CFAP91: variants seen among roughly 807,000 people sequenced by gnomAD.
CFAP91 encodes the protein cilia and flagella associated protein 91.
In CFAP91, 85 loss-of-function variants were observed where a neutral mutation model predicts 95.9. The ratio of observed to expected loss-of-function variants is 0.89; its 90% confidence interval spans 0.74 to 1.06. The LOEUF is 1.06. Among genes scored for constraint, CFAP91 ranks in the 50% least tolerant of loss-of-function variants. The pLI is 0.00. For missense variants in CFAP91, 962 were observed against 943.4 expected, an observed-to-expected ratio of 1.02 and a Z score of -0.26; for synonymous variants, 335 against 327.5, an observed-to-expected ratio of 1.02 and a Z score of -0.25.
At chr3:119,726,138 C>G (rs1186271290) in intron 6 of CFAP91, 33 bp from the exon 7 acceptor site, 1 of 1,565,420 alleles carries the variant, frequency 6.4e-7, no homozygotes, top group African/African-American at 1.4e-5. Flanking sequence ...GGTCAGCTCA[C>G]TTGTTCCTAA....
chr3:119,733,273 G>C (rs1214719999), intron 9 of CFAP91, 91 bp from the exon 10 acceptor site: 1 of 1,362,464 alleles, frequency 7.3e-7, no homozygotes, highest in Non-Finnish European at 1.0e-6. Flanking sequence ...TAATGAAACT[G>C]CTTGGCAAAC....
chr3:119,738,330 G>GTTTTTTTTTTTTTTTTTTTTTT (rs1559761130), intron 11 of CFAP91, among the ~76,000 whole-genome samples: 5 of 23,730 alleles, frequency 2.1e-4, no homozygotes, highest in Admixed American at 6.4e-4. Flanking sequence ...TTGACATATT[G>GTTTTTTTTTTTTTTTTTTTTTT]TCTTTTTTTT....
At chr3:119,760,310 A>G (rs2054513988) in intron 17 of CFAP91, among the ~76,000 whole-genome samples, 1 of 151,880 alleles carries the variant, frequency 6.6e-6, no homozygotes, top group African/African-American at 2.4e-5. Context: ...TGTGGTGATA[A>G]AGGGGTCGAT....
chr3:119,723,017 C>T lies in CFAP91; in HGVS notation c.683-3154C>T, dbSNP rs566988392. 2.0e-5 allele frequency among the ~76,000 whole-genome samples: 3 copies of T among 152,300 alleles called. No individual in the cohort carries two copies. The East Asian group carries it at 5.8e-4, about 29-fold the overall frequency. On this transcript the variant is annotated intron_variant, in intron 6 of 17. Transcript: ENST00000273390. ...CCTTCGAGTAGTTCTAATCCAGATTCCCACTCTCAATATAACTATGCCTGG... is the reference window on the plus strand; with the variant it reads ...CCTTCGAGTAGTTCTAATCCAGATTTCCACTCTCAATATAACTATGCCTGG...
At chr3:119,755,409 A>G (rs1354465543) in intron 17 of CFAP91, among the ~76,000 whole-genome samples, 3 of 151,974 alleles carry the variant, frequency 2.0e-5, no homozygotes, top group Admixed American at 1.3e-4. Context: ...TGAGGGAAGA[A>G]CCCTCATGAT....
chr3:119,745,783 T>C (rs372653319), intron 14 of CFAP91, among the ~76,000 whole-genome samples: 2 of 152,240 alleles, frequency 1.3e-5, no homozygotes, highest in East Asian at 3.8e-4. Context: ...GTTAGTTGTT[T>C]GGTTGATACT....
At chr3:119,722,809 C>T (rs779944351) in intron 6 of CFAP91, among the ~76,000 whole-genome samples, 4 of 151,608 alleles carry the variant, frequency 2.6e-5, no homozygotes, top group East Asian at 1.9e-4. Context: ...ATTACATGCA[C>T]GGTAGCAATG....
intron 17 of CFAP91, among the ~76,000 whole-genome samples, chr3:119,760,587 T>G (rs1237614153): frequency 2.0e-5 from 3 of 151,794 alleles, no homozygotes; most frequent in Non-Finnish European, 4.4e-5. Flanking sequence ...GAATACACAT[T>G]CTTCTCAAAT....
chr3:119,738,419 G>T (rs909048834), intron 11 of CFAP91, among the ~76,000 whole-genome samples: 3 of 127,390 alleles, frequency 2.4e-5, no homozygotes, highest in Non-Finnish European at 4.7e-5. Context: ...TGCAACCTTG[G>T]CTCACTGCAA....
At position 119,733,421 on chromosome 3, in the gene CFAP91, C is replaced by T. The variant is rs2053941026; in HGVS notation, c.1259C>T (p.Ala420Val). ...PDFVTQPQIR[A>V]PKPKVITTKA... ...TTTGTGACACAACCCCAAATCAGAG[C>T]TCCAAAACCTAAAGTCATTACCACC... Residue 420 changes from alanine (A) to valine (V), a missense_variant, in exon 10 of 18, where the codon GCT becomes GTT. Transcript: ENST00000273390. The T allele has an allele frequency of 6.2e-7, 1 of 1,613,986 alleles. No individual in the cohort carries two copies. Among genetic ancestry groups the T allele is most frequent in the African/African-American group, 1.3e-5 (1 of 74,920 alleles).
chr3:119,741,023 C>T (rs1295530987), intron 13 of CFAP91, among the ~76,000 whole-genome samples: 6 of 152,170 alleles, frequency 3.9e-5, no homozygotes, highest in African/African-American at 7.2e-5. Context: ...GGCTAATTTC[C>T]GTATTCTTAG....
intron 6 of CFAP91, among the ~76,000 whole-genome samples, chr3:119,719,947 A>G (rs1457856671): frequency 6.6e-6 from 1 of 151,834 alleles, no homozygotes; most frequent in Non-Finnish European, 1.5e-5. Context: ...TACTGAAAAT[A>G]CAAAAATTAG....
At chr3:119,752,081 G>A (rs1437211454) in intron 17 of CFAP91, among the ~76,000 whole-genome samples, 1 of 152,196 alleles carries the variant, frequency 6.6e-6, no homozygotes, top group Admixed American at 6.5e-5. Context: ...ATTCTCATGA[G>A]AAGGGGAATG....
intron 7 of CFAP91, among the ~76,000 whole-genome samples, chr3:119,728,013 AATGATGATG>A (rs373100019): frequency 5.2e-4 from 79 of 150,598 alleles, no homozygotes; most frequent in African/African-American, 1.8e-3. Context: ...TGATGATGAT[AATGATGATG>A]ATGATGATGA....
intron 8 of CFAP91, among the ~76,000 whole-genome samples, chr3:119,731,879 A>G (rs941988481): frequency 6.6e-6 from 1 of 152,264 alleles, no homozygotes; most frequent in Non-Finnish European, 1.5e-5. Context: ...GTGTTAACCA[A>G]GATGAACCTG....
intron 17 of CFAP91, among the ~76,000 whole-genome samples, chr3:119,764,629 A>G (rs897021943): frequency 2.0e-5 from 3 of 152,290 alleles, no homozygotes; most frequent in Admixed American, 6.5e-5. Context: ...AAATACATAT[A>G]TATATATACA....
At chr3:119,708,123 T>C (rs1274460098) in intron 3 of CFAP91, among the ~76,000 whole-genome samples, 1 of 151,868 alleles carries the variant, frequency 6.6e-6, no homozygotes, top group East Asian at 1.9e-4. Flanking sequence ...CTACTAAAAA[T>C]ACAAAAAGTT....
Position 119,707,511 on chromosome 3 carries a change from A to C in CFAP91, c.309A>C (p.Glu103Asp), listed in dbSNP as rs770789640. ...CTGTCCCACCATTTATCAGTCGGGA[A>C]TGGAAGGGACATAAGGAGAAACACA... ...SDPVPPFISR[E>D]WKGHKEKHRE... Residue 103 changes from glutamate (E) to aspartate (D), a missense_variant, in exon 3 of 18, where the codon GAA becomes GAC. Transcript: ENST00000273390. 3 of 1,600,436 alleles carry C rather than the reference A, an allele frequency of 1.9e-6. No individual in the cohort carries two copies. Among genetic ancestry groups the C allele is most frequent in the Admixed American group, 3.3e-5 (2 of 59,858 alleles).
chr3:119,764,872 T>C (rs536440522), intron 17 of CFAP91, among the ~76,000 whole-genome samples, 180 bp from the exon 18 acceptor site: 5 of 152,296 alleles, frequency 3.3e-5, no homozygotes, highest in South Asian at 2.1e-4. Flanking sequence ...CACTGTGAAG[T>C]AAGAAACATC....
Sources: gnomAD v4.1 joint callset for allele counts (sites outside exome capture counted in the v4.1 genomes callset) on GRCh38, gnomAD v4.1.1 for gene constraint, MANE v1.5 for transcripts, NCBI Gene and HGNC (gene_info 2026-07-23, HGNC 2026-07-21) for gene names.